CEP162: variants seen among roughly 807,000 people sequenced by gnomAD.
CEP162 encodes the protein centrosomal protein 162, also known as centrosomal protein of 162 kDa.
A neutral mutation model predicts 169.2 loss-of-function variants in CEP162; 141 were observed. That is an observed-to-expected ratio of 0.83 (90% CI 0.73 to 0.96). The LOEUF is 0.96. Ranked by LOEUF, CEP162 falls within the 40% of genes least tolerant of loss-of-function variation. CEP162 has a pLI of 0.00. For synonymous variants in CEP162, 540 were observed against 526.4 expected (o/e 1.03, Z -0.35); for missense variants, 1,600 against 1,587.2 (o/e 1.01, Z -0.14).
intron 25 of CEP162, among the ~76,000 whole-genome samples, chr6:84,130,389 A>C (rs1476048512): frequency 3.3e-5 from 5 of 152,070 alleles, no homozygotes; most frequent in Non-Finnish European, 7.3e-5. Context: ...GTTAGGGAGG[A>C]GTCCCTCTTT....
rs762294849 is a variant in CEP162, at chr6:84,212,969, C to T, written c.559G>A (p.Glu187Lys). Residue 187 changes from glutamate to lysine, a missense_variant, in exon 6 of 27, where the codon GAA becomes AAA. Physicochemically the swap from Glu to Lys is moderately conservative, Grantham distance 56. Coordinates refer to ENST00000403245, the MANE Select transcript of CEP162 (RefSeq NM_014895.4). Reference sequence around the variant, plus strand: ...CCAATGAAATTACCTGCCAGTTCTTCATGTTTCGATTCATTCTCATGTTCG... The same window carrying T: ...CCAATGAAATTACCTGCCAGTTCTTTATGTTTCGATTCATTCTCATGTTCG... ...DDEHENESKHEELAENYSDDF... is the reference protein window; with the variant it reads ...DDEHENESKHKELAENYSDDF... 7 of 1,546,354 alleles carry T rather than the reference C, an allele frequency of 4.5e-6. No homozygotes were observed.
chr6:84,211,257 GGT>G (rs2099549304), intron 6 of CEP162, among the ~76,000 whole-genome samples: 1 of 151,618 alleles, frequency 6.6e-6, no homozygotes, highest in Non-Finnish European at 1.5e-5. Context: ...GGCCAGGCAT[GGT>G]GGCTCATGCC....
chr6:84,192,369 CAA>C (rs569499365), intron 11 of CEP162, among the ~76,000 whole-genome samples: 1 of 152,126 alleles, frequency 6.6e-6, no homozygotes, highest in Non-Finnish European at 1.5e-5. Flanking sequence ...CCTATAACAA[CAA>C]AGATATAAGA....
In CEP162 at chr6:84,226,414, C is replaced by T. The variant is rs913479548; in HGVS notation, c.-21G>A. On this transcript the variant is annotated 5_prime_UTR_variant, in exon 2 of 27. Transcript: ENST00000403245. Reference sequence around the variant, plus strand: ...GCCATAGTCAACAATTTTGACCTCCCAAAGTAAACATTCTAAAGTACCTCA... The same window carrying T: ...GCCATAGTCAACAATTTTGACCTCCTAAAGTAAACATTCTAAAGTACCTCA... The T allele has an allele frequency of 6.5e-7, 1 of 1,538,646 alleles. No homozygotes were observed. Among genetic ancestry groups the T allele is most frequent in the Non-Finnish European group, 8.8e-7 (1 of 1,130,124 alleles).
chr6:84,166,028 A>T (rs1331860101), intron 18 of CEP162, among the ~76,000 whole-genome samples: 3 of 152,214 alleles, frequency 2.0e-5, no homozygotes, highest in African/African-American at 4.8e-5. Context: ...GTATTTTAGA[A>T]TTCAAAGAAC....
chr6:84,218,165 T>G (rs776787673), intron 3 of CEP162, among the ~76,000 whole-genome samples: 5 of 152,116 alleles, frequency 3.3e-5, no homozygotes, highest in Non-Finnish European at 7.3e-5. Flanking sequence ...TCTGCTAAGA[T>G]GTGAAGAAAG....
At chr6:84,147,806 A>G (rs1450542190) in intron 24 of CEP162, among the ~76,000 whole-genome samples, 19 of 152,150 alleles carry the variant, frequency 1.2e-4, no homozygotes, top group Admixed American at 1.2e-3. Context: ...AAGCCTCATA[A>G]TATCTGTGAA....
In CEP162 at chr6:84,215,273, G is replaced by T. The variant is rs181752708; in HGVS notation, c.503+9C>A. ...ATAAAAATCATTAATAGTTTACACT[G>T]TACTTTACCTATGTAAAGCTTTAAA... On this transcript the variant is annotated intron_variant, in intron 5 of 26. Transcript: ENST00000403245. 1.4e-6 allele frequency: 2 copies of T among 1,472,098 alleles called. No individual in the cohort carries two copies. Among genetic ancestry groups the T allele is most frequent in the Admixed American group, 2.0e-5 (1 of 51,034 alleles). 91.2% of individuals were successfully genotyped at this position (1,472,098 alleles called of 1,614,324 possible).
chr6:84,167,395 A>C (rs1001498294), intron 18 of CEP162, among the ~76,000 whole-genome samples: 1 of 152,000 alleles, frequency 6.6e-6, no homozygotes, highest in Non-Finnish European at 1.5e-5. Flanking sequence ...TTCTTTTTGC[A>C]TACTTTCTCA....
intron 13 of CEP162, among the ~76,000 whole-genome samples, chr6:84,183,639 T>C (rs1388114808): frequency 6.6e-6 from 1 of 152,150 alleles, no homozygotes; most frequent in Non-Finnish European, 1.5e-5. Context: ...TCTTCCTTCA[T>C]TGCTCAGCTT....
At chr6:84,198,910 A>C (rs1321873782) in intron 9 of CEP162, among the ~76,000 whole-genome samples, 1 of 152,222 alleles carries the variant, frequency 6.6e-6, no homozygotes, top group Non-Finnish European at 1.5e-5. Flanking sequence ...AATAGAACCT[A>C]ATCTGCATAA....
At chr6:84,166,280 C>G (rs1334994456) in intron 18 of CEP162, among the ~76,000 whole-genome samples, 1 of 152,152 alleles carries the variant, frequency 6.6e-6, no homozygotes, top group East Asian at 1.9e-4. Context: ...TGGAAGGTAA[C>G]AAACTCCGGG....
chr6:84,181,477 G>A (rs2099534800), intron 13 of CEP162, among the ~76,000 whole-genome samples: 1 of 152,098 alleles, frequency 6.6e-6, no homozygotes, highest in South Asian at 2.1e-4. Flanking sequence ...AAAAGCAATG[G>A]CAACAAAAGT....
At chr6:84,189,553 C>T (rs1409566307) in intron 11 of CEP162, among the ~76,000 whole-genome samples, 1 of 152,214 alleles carries the variant, frequency 6.6e-6, no homozygotes, top group Non-Finnish European at 1.5e-5. Flanking sequence ...CCCAGCAGTG[C>T]TGGCCCACCG....
Position 84,200,853 on chromosome 6 carries a change from T to C in CEP162, c.771A>G (p.Gln257=). Residue 257 remains glutamine (Q), a synonymous_variant, in exon 9 of 27, where the codon CAA becomes CAG. Coordinates refer to ENST00000403245, the MANE Select transcript of CEP162 (RefSeq NM_014895.4). Reference sequence around the variant, plus strand: ...ACCTTGGCTTAGGTGTTATTTTATCTTGTTCATCAAGATTGACCTCTGCAA... The same window carrying C: ...ACCTTGGCTTAGGTGTTATTTTATCCTGTTCATCAAGATTGACCTCTGCAA... ...DSVAEVNLDE[Q]DKITPKPRCL... is the part of the protein sequence containing the mutation. 1 of 1,612,672 alleles carries C rather than the reference T, an allele frequency of 6.2e-7. No individual in the cohort carries two copies. Among genetic ancestry groups the C allele is most frequent in the Non-Finnish European group, 8.5e-7 (1 of 1,178,864 alleles).
At chr6:84,159,673 T>C (rs1473119200) in intron 21 of CEP162, among the ~76,000 whole-genome samples, 1 of 148,478 alleles carries the variant, frequency 6.7e-6, no homozygotes, top group African/African-American at 2.5e-5. Flanking sequence ...CAAGTGATTC[T>C]CTTGCCTCAC....
At chr6:84,204,663 A>G (rs1205807102) in intron 6 of CEP162, among the ~76,000 whole-genome samples, 9 of 152,220 alleles carry the variant, frequency 5.9e-5, no homozygotes, top group African/African-American at 1.9e-4. Flanking sequence ...ATCACAATTA[A>G]AAGAACTAGA....
intron 25 of CEP162, among the ~76,000 whole-genome samples, chr6:84,130,573 C>T (rs573485191): frequency 3.9e-5 from 6 of 152,048 alleles, no homozygotes; most frequent in Admixed American, 6.6e-5. Flanking sequence ...ACTTCTTCCT[C>T]GTTTAGACTT....
chr6:84,224,096 G>T (rs759859764), intron 2 of CEP162, among the ~76,000 whole-genome samples: 2 of 152,138 alleles, frequency 1.3e-5, no homozygotes, highest in Non-Finnish European at 2.9e-5. Flanking sequence ...ATTGTTCATG[G>T]CAGCATTGTT....
Sources: allele counts gnomAD v4.1 joint callset (sites outside exome capture counted in the v4.1 genomes callset), GRCh38; gene constraint gnomAD v4.1.1; transcripts MANE v1.5; gene names NCBI Gene and HGNC (gene_info 2026-07-23, HGNC 2026-07-21).